Variants in ITPR3 observed in about 807,000 individuals in gnomAD.
ITPR3 encodes inositol 1,4,5-trisphosphate receptor type 3, also known as inositol 1,4,5-trisphosphate-gated calcium channel ITPR3.
Under a neutral mutation model 293.2 loss-of-function variants are expected in ITPR3, and 173 were observed. That is an observed-to-expected ratio of 0.59 (90% CI 0.52 to 0.67). ITPR3 has a LOEUF of 0.67. Ranked by LOEUF, ITPR3 falls within the 30% of genes least tolerant of loss-of-function variation. The pLI, the probability that ITPR3 is intolerant of heterozygous loss-of-function variation, is 0.00. For synonymous variants in ITPR3, 1,295 were observed against 1,444.4 expected (o/e 0.90, Z 2.35); for missense variants, 2,796 against 3,592.1 (o/e 0.78, Z 5.66).
At chr6:33,662,162 C>A (rs59962157) in intron 7 of ITPR3, among the ~76,000 whole-genome samples, 6,763 of 151,964 alleles carry the variant, frequency 0.045, 225 homozygotes, top group South Asian at 0.14. Flanking sequence ...GCCATGGCCC[C>A]GGGGACACTG....
chr6:33,666,094 T>C lies in ITPR3; in HGVS notation c.1551+118T>C. 2 of 1,192,446 alleles carry C rather than the reference T, an allele frequency of 1.7e-6. No individual in the cohort carries two copies. The highest frequency in any genetic ancestry group is 3.2e-5 in the South Asian group (2 of 62,990). The allele number at this position is 1,192,446 out of a possible 1,614,324, so 73.9% of individuals were successfully genotyped here. A position where few individuals can be genotyped will look rare whatever the true frequency, so the allele number is the denominator to read the frequency against. ...TCAGTATATATGGGGCACGACCACG[T>C]GCCAGGGACTTCCCTAAGTACCCCA... On this transcript the variant is annotated intron_variant, in intron 14 of 57. Transcript: ENST00000605930. This position sits in a 1 kb window ranked among gnomAD's most constrained non-coding sequence, Gnocchi z 5.1.
At chr6:33,631,045 G>A (rs951912170) in intron 1 of ITPR3, among the ~76,000 whole-genome samples, 1 of 152,152 alleles carries the variant, frequency 6.6e-6, no homozygotes, top group Non-Finnish European at 1.5e-5. Flanking sequence ...CTGGAGAAAG[G>A]GCCCCCCAGG....
rs1245684879 is a variant in ITPR3, at chr6:33,638,226, G to C, written c.90-2258G>C. ...TCACCATGTTGGTCAGGCGGGTCTCGAACTCCTGACTTAATGATCCACCCG... is the reference window on the plus strand; with the variant it reads ...TCACCATGTTGGTCAGGCGGGTCTCCAACTCCTGACTTAATGATCCACCCG... On this transcript the variant is annotated intron_variant, in intron 1 of 57. Coordinates refer to ENST00000605930, the MANE Select transcript of ITPR3 (RefSeq NM_002224.4). This position sits in a 1 kb window ranked among gnomAD's most constrained non-coding sequence, Gnocchi z 4.3. 6.6e-6 allele frequency among the ~76,000 whole-genome samples: 1 copy of C among 151,678 alleles called. No homozygotes were observed. The highest frequency in any genetic ancestry group is 1.5e-5 in the Non-Finnish European group (1 of 67,942).
intron 1 of ITPR3, among the ~76,000 whole-genome samples, chr6:33,636,473 G>A (rs1763826462): frequency 6.6e-6 from 1 of 152,004 alleles, no homozygotes; most frequent in Admixed American, 6.6e-5. Flanking sequence ...GTCCAATTCT[G>A]TACCTGACTG....
Position 33,621,996 on chromosome 6 carries a change from G to T in ITPR3, c.89+305G>T, listed in dbSNP as rs1582090221. Among the ~76,000 whole-genome samples the T allele has an allele frequency of 6.6e-6, 1 of 152,216 alleles. No individual in the cohort carries two copies. The highest frequency in any genetic ancestry group is 6.5e-5 in the Admixed American group (1 of 15,288). The stretch of plus-strand genomic sequence containing the variant: ...GCTTCCTTTGCAGGTGGTCCCGGGG[G>T]CGGGCAGGTGGGTGGCTGGAGGCTG... On this transcript the variant is annotated intron_variant, in intron 1 of 57. Transcript: ENST00000605930. This position sits in a 1 kb window ranked among gnomAD's most constrained non-coding sequence, Gnocchi z 7.7.
chr6:33,677,391 C>T, intron 27 of ITPR3, 113 bp from the exon 28 acceptor site: 9 of 1,469,432 alleles, frequency 6.1e-6, no homozygotes, highest in Non-Finnish European at 8.3e-6. Context: ...GCGCCTGTGA[C>T]CTCCTTCCCC....
At chr6:33,661,964 C>T (rs1396384428) in intron 7 of ITPR3, among the ~76,000 whole-genome samples, 1 of 132,276 alleles carries the variant, frequency 7.6e-6, no homozygotes, top group African/African-American at 2.9e-5. Flanking sequence ...CCATGCACTC[C>T]ATCCTGGGCA....
intron 2 of ITPR3, among the ~76,000 whole-genome samples, chr6:33,646,024 G>T (rs1318891808): frequency 2.0e-5 from 3 of 151,994 alleles, no homozygotes; most frequent in Admixed American, 6.6e-5. Flanking sequence ...TTTTAGTAGA[G>T]ACAGAGTTTC....
rs371620885 is a variant in ITPR3 at position 33,684,658 on chromosome 6, C to A, written c.5107C>A (p.Arg1703=). ...NYLQNRKSTS[R]GDLPDPIGTG... is the part of the protein sequence containing the mutation. ...CCTCCAGAACCGGAAGTCCACCTCGCGGGGGGACCTTCCCGACCCCATAGG... is the reference window on the plus strand; with the variant it reads ...CCTCCAGAACCGGAAGTCCACCTCGAGGGGGGACCTTCCCGACCCCATAGG... The change falls in exon 38 of 58, where the codon CGG becomes AGG. Residue 1703 remains arginine (R), a synonymous_variant. Coordinates refer to ENST00000605930, the MANE Select transcript of ITPR3 (RefSeq NM_002224.4). The surrounding 1 kb of genome is among the most constrained non-coding windows in gnomAD (Gnocchi z 4.2). 34 of 1,613,958 alleles carry A rather than the reference C, an allele frequency of 2.1e-5. No individual in the cohort carries two copies. In the African/African-American group the frequency reaches 2.7e-4, roughly 13 times the overall value.
chr6:33,634,056 TCTTG>T (rs1373413611), intron 1 of ITPR3, among the ~76,000 whole-genome samples: 2 of 152,084 alleles, frequency 1.3e-5, no homozygotes, highest in East Asian at 3.9e-4. Context: ...ATAAGAGCTT[TCTTG>T]CTTATCTGTT....
chr6:33,632,198 G>A lies in ITPR3; in HGVS notation c.90-8286G>A, dbSNP rs1416681768. Among the ~76,000 whole-genome samples, 1 of 144,278 alleles carries A rather than the reference G, an allele frequency of 6.9e-6. No individual in the cohort carries two copies. The allele number at this position is 144,278 out of a possible 152,430, so 94.7% of individuals were successfully genotyped here. A position where few individuals can be genotyped will look rare whatever the true frequency, so the allele number is the denominator to read the frequency against. On this transcript the variant is annotated intron_variant, in intron 1 of 57. Transcript: ENST00000605930. This position sits in a 1 kb window ranked among gnomAD's most constrained non-coding sequence, Gnocchi z 4.1. ...CTGGGCGGGTCAGTTTCTCCTCCAT[G>A]CCCCAGGGACAGTTTTCTCATCCAC...
rs2296334 is a variant in ITPR3, at chr6:33,673,460, A to G, written c.2929-131A>G. 3.2e-3 allele frequency: 3,657 copies of G among 1,132,646 alleles called. 81 individuals carry two copies. The East Asian group carries it at 0.054, about 17-fold the overall frequency. 70.2% of individuals were successfully genotyped at this position (1,132,646 alleles called of 1,614,324 possible). A position where few individuals can be genotyped will look rare whatever the true frequency, so the allele number is the denominator to read the frequency against. ...AGCATCCCAAATGACTGTGCTGAGG[A>G]CCCTGCTGCCCCAAGTGCTAGAGCC... On this transcript the variant is annotated intron_variant, in intron 22 of 57. Transcript: ENST00000605930.
intron 2 of ITPR3, among the ~76,000 whole-genome samples, chr6:33,653,156 C>A (rs1393306980): frequency 2.6e-5 from 4 of 152,254 alleles, no homozygotes; most frequent in African/African-American, 9.6e-5. Context: ...GAACCTCCTG[C>A]CTCAGCCTCT....
Position 33,658,668 on chromosome 6 carries a change from A to G in ITPR3, c.370-2A>G. ...CCTTCCCGCACCCCACCTGACCCCCAGCTCCTGCACATGAAGAGCAACAAG... is the reference window on the plus strand; with the variant it reads ...CCTTCCCGCACCCCACCTGACCCCCGGCTCCTGCACATGAAGAGCAACAAG... On this transcript the variant is annotated splice_acceptor_variant, in intron 4 of 57. Transcript: ENST00000605930. LOFTEE classifies it high-confidence loss of function. The surrounding 1 kb of genome is among the most constrained non-coding windows in gnomAD (Gnocchi z 6.1). The G allele has an allele frequency of 1.2e-6, 2 of 1,613,726 alleles. No homozygotes were observed. The highest frequency in any genetic ancestry group is 1.7e-6 in the Non-Finnish European group (2 of 1,179,706).
intron 11 of ITPR3, 118 bp downstream of exon 11, chr6:33,663,998 G>T: frequency 8.4e-7 from 1 of 1,195,348 alleles, no homozygotes; most frequent in Non-Finnish European, 1.2e-6. Flanking sequence ...TAGCCTCTGG[G>T]GTCTCTGTAG....
At chr6:33,674,410 C>A in intron 24 of ITPR3, 145 bp downstream of exon 24, 1 of 702,926 alleles carries the variant, frequency 1.4e-6, no homozygotes, top group East Asian at 2.8e-5. Flanking sequence ...TGTGCTCAGC[C>A]CCTCCCCTGC....
chr6:33,656,406 A>G (rs1410986617), intron 3 of ITPR3, among the ~76,000 whole-genome samples: 1 of 152,186 alleles, frequency 6.6e-6, no homozygotes, highest in East Asian at 1.9e-4. Flanking sequence ...TGGCTCCTGG[A>G]GACAGTGGCT....
chr6:33,676,406 A>G (rs1328158162), intron 25 of ITPR3, among the ~76,000 whole-genome samples: 1 of 152,184 alleles, frequency 6.6e-6, no homozygotes, highest in Admixed American at 6.5e-5. Flanking sequence ...TGGCAGTCAG[A>G]CGCAGGCCTG....
rs1765507041 is a variant in ITPR3, at chr6:33,695,179, C to T, written c.7947+94C>T. The T allele has an allele frequency of 2.9e-6, 4 of 1,358,338 alleles. No homozygotes were observed. The Admixed American group carries it at 6.4e-5, about 22-fold the overall frequency. 84.1% of individuals were successfully genotyped at this position (1,358,338 alleles called of 1,614,324 possible). On this transcript the variant is annotated intron_variant, in intron 57 of 57. Coordinates refer to ENST00000605930, the MANE Select transcript of ITPR3 (RefSeq NM_002224.4). ...CCTTCCTGACCCACCCTCTTCCCCA[C>T]TGGCCTCTGGCCCTGGGCCTGGATG...
Sources: allele counts gnomAD v4.1 joint callset (sites outside exome capture counted in the v4.1 genomes callset), GRCh38; gene constraint gnomAD v4.1.1; non-coding constraint Gnocchi (gnomAD v3.1); transcripts MANE v1.5; gene names NCBI Gene and HGNC (gene_info 2026-07-23, HGNC 2026-07-21).